LRRC69: variants seen among roughly 807,000 people sequenced by gnomAD.
LRRC69 encodes leucine-rich repeat-containing protein 69.
LRRC69 carries 42 observed loss-of-function variants against 37.8 expected under a neutral mutation model. The observed-to-expected ratio is 1.11, with a 90% CI of 0.87 to 1.44. The LOEUF (loss-of-function observed/expected upper bound fraction) is 1.44, where lower values mean the gene tolerates loss of function less well. LRRC69 is among the 40% of genes most tolerant of loss of function. The pLI is 0.00. For synonymous variants in LRRC69, 141 were observed against 143.1 expected, an observed-to-expected ratio of 0.99 and a Z score of 0.11; for missense variants, 357 against 401.9, an observed-to-expected ratio of 0.89 and a Z score of 0.96.
chr8:91,127,222 T>A, intron 3 of LRRC69, 62 bp downstream of exon 3: 12 of 1,238,600 alleles, frequency 9.7e-6, no homozygotes, highest in Non-Finnish European at 1.4e-5. Context: ...CCCACCCTGG[T>A]CATTTGAAAG....
At position 91,173,265 on chromosome 8, in the gene LRRC69, G is replaced by A. The variant is rs1809165732; in HGVS notation, c.652-16257G>A. 2.0e-5 allele frequency among the ~76,000 whole-genome samples: 3 copies of A among 151,892 alleles called. No individual in the cohort carries two copies. In the South Asian group the frequency reaches 6.2e-4, roughly 31 times the overall value. On this transcript the variant is annotated intron_variant, in intron 5 of 7. Transcript: ENST00000448384. ...TCCCTGATCCCATTATTCTCTGAAGGACTCTACTACCTCTGTGTTTTGAAT... is the reference window on the plus strand; with the variant it reads ...TCCCTGATCCCATTATTCTCTGAAGAACTCTACTACCTCTGTGTTTTGAAT...
chr8:91,155,821 C>A (rs1372243405), intron 5 of LRRC69, among the ~76,000 whole-genome samples: 1 of 149,514 alleles, frequency 6.7e-6, no homozygotes, highest in Admixed American at 6.7e-5. Context: ...GGATTTCATT[C>A]TTTTTATGAC....
chr8:91,159,069 C>T (rs1808889550), intron 5 of LRRC69, among the ~76,000 whole-genome samples: 1 of 151,172 alleles, frequency 6.6e-6, no homozygotes, highest in South Asian at 2.1e-4. Context: ...AGATATTCTC[C>T]TGTGTGCTCC....
exon 2 of LRRC69, chr8:91,124,543 G>C (rs1239258852): frequency 1.9e-6 from 3 of 1,541,242 alleles, no homozygotes; most frequent in Non-Finnish European, 2.6e-6. Flanking sequence ...TTCCGGAAGA[G>C]ATGAAATATC....
chr8:91,158,833 T>A, intron 5 of LRRC69: 1 of 685,998 alleles, frequency 1.5e-6, no homozygotes, highest in Non-Finnish European at 2.7e-6. Flanking sequence ...TAAAATAGAA[T>A]GTTACTTTGG....
At chr8:91,212,510 A>G (rs956903853) in intron 7 of LRRC69, among the ~76,000 whole-genome samples, 4 of 152,186 alleles carry the variant, frequency 2.6e-5, no homozygotes, top group African/African-American at 9.6e-5. Context: ...CTTTATGAAA[A>G]TAAATGAAAA....
intron 5 of LRRC69, among the ~76,000 whole-genome samples, chr8:91,169,667 C>T (rs1178713731): frequency 4.9e-5 from 4 of 81,610 alleles, no homozygotes; most frequent in African/African-American, 1.4e-4. Flanking sequence ...GCTATCCCCT[C>T]CCCCCCTACC....
intron 5 of LRRC69, chr8:91,157,933 TA>T: frequency 3.3e-6 from 5 of 1,503,876 alleles, no homozygotes; most frequent in Non-Finnish European, 4.6e-6. Flanking sequence ...ATCGGCAGTA[TA>T]CTGATTGCAC....
chr8:91,134,705 A>G (rs533778578), intron 4 of LRRC69, among the ~76,000 whole-genome samples: 1 of 152,190 alleles, frequency 6.6e-6, no homozygotes, highest in Admixed American at 6.6e-5. Flanking sequence ...TTATAGTTCT[A>G]TCCCAAACAA....
exon 3 of LRRC69, chr8:91,127,116 T>C: frequency 6.5e-7 from 1 of 1,548,928 alleles, no homozygotes; most frequent in Non-Finnish European, 8.7e-7. Flanking sequence ...TCCTGCTTAA[T>C]CTGAACAACA....
intron 1 of LRRC69, among the ~76,000 whole-genome samples, chr8:91,108,216 A>C (rs1178862479): frequency 6.6e-6 from 1 of 152,048 alleles, no homozygotes; most frequent in East Asian, 1.9e-4. Flanking sequence ...GTAGTTTATA[A>C]ACTTACTAAT....
chr8:91,183,236 G>A (rs539601994), intron 5 of LRRC69, among the ~76,000 whole-genome samples: 1 of 152,272 alleles, frequency 6.6e-6, no homozygotes, highest in South Asian at 2.1e-4. Context: ...TATTTTGAAA[G>A]GATCTTTCCA....
At chr8:91,175,315 C>A (rs1161420302) in intron 5 of LRRC69, among the ~76,000 whole-genome samples, 1 of 152,126 alleles carries the variant, frequency 6.6e-6, no homozygotes, top group Admixed American at 6.6e-5. Context: ...ACCTGTTACA[C>A]TTAAATGCAG....
chr8:91,159,653 G>T (rs1399989088), intron 5 of LRRC69, among the ~76,000 whole-genome samples: 6 of 151,042 alleles, frequency 4.0e-5, no homozygotes, highest in Admixed American at 2.7e-4. Context: ...CAAGAAGAAA[G>T]TTAGCTTTGT....
At chr8:91,191,417 C>A (rs1364163842) in intron 6 of LRRC69, among the ~76,000 whole-genome samples, 2 of 152,126 alleles carry the variant, frequency 1.3e-5, no homozygotes, top group Non-Finnish European at 2.9e-5. Flanking sequence ...AGGTACTGTT[C>A]TAAGCACTTA....
intron 5 of LRRC69, among the ~76,000 whole-genome samples, chr8:91,178,396 A>G (rs1453035958): frequency 6.6e-6 from 1 of 152,048 alleles, no homozygotes; most frequent in Non-Finnish European, 1.5e-5. Context: ...TATTCTATGT[A>G]ATTAACTTAG....
At chr8:91,195,371 A>G (rs1402790372) in intron 6 of LRRC69, among the ~76,000 whole-genome samples, 2 of 151,450 alleles carry the variant, frequency 1.3e-5, no homozygotes, top group Non-Finnish European at 2.9e-5. Flanking sequence ...CGCTTGGTGC[A>G]GAGCTGAGTT....
chr8:91,117,958 A>G (rs1305857108), intron 1 of LRRC69, among the ~76,000 whole-genome samples: 2 of 151,882 alleles, frequency 1.3e-5, no homozygotes, highest in African/African-American at 4.8e-5. Flanking sequence ...AATGGAAAAA[A>G]TTTAGAGGGA....
chr8:91,191,995 C>T (rs898578436), intron 6 of LRRC69, among the ~76,000 whole-genome samples: 2 of 113,024 alleles, frequency 1.8e-5, no homozygotes, highest in Non-Finnish European at 3.5e-5. Context: ...TCCCTCCCCC[C>T]TCCCCCCACC....
Sources: allele counts gnomAD v4.1 joint callset (sites outside exome capture counted in the v4.1 genomes callset), GRCh38; gene constraint gnomAD v4.1.1; transcripts MANE v1.5; gene names NCBI Gene and HGNC (gene_info 2026-07-23, HGNC 2026-07-21).